The following RHBDL3 variants were observed in gnomAD, a reference collection of about 807,000 sequenced individuals.
RHBDL3 encodes the protein rhomboid-related protein 3.
RHBDL3 carries 28 observed loss-of-function variants against 48.2 expected under a neutral mutation model. That is an observed-to-expected ratio of 0.58 (90% CI 0.43 to 0.80). The LOEUF is 0.80. RHBDL3 is among the 30% of genes least tolerant of loss of function. The pLI is 0.00. For synonymous variants in RHBDL3, 208 were observed against 232.3 expected, an observed-to-expected ratio of 0.90 and a Z score of 0.95; for missense variants, 464 against 542.7, an observed-to-expected ratio of 0.85 and a Z score of 1.44.
chr17:32,316,417 T>C, intron 8 of RHBDL3, 125 bp downstream of exon 8: 1 of 671,374 alleles, frequency 1.5e-6, no homozygotes. Flanking sequence ...TGTCAATGGT[T>C]AGCAAAAAAG....
intron 3 of RHBDL3, among the ~76,000 whole-genome samples, chr17:32,285,247 C>T (rs918395841): frequency 1.3e-5 from 2 of 152,074 alleles, no homozygotes; most frequent in African/African-American, 4.8e-5. Context: ...GTATTTTCTC[C>T]CTCCCATTGG....
At position 32,283,602 on chromosome 17, in the gene RHBDL3, C is replaced by T. The variant is rs575586364; in HGVS notation, c.136-1057C>T. Among the ~76,000 whole-genome samples the T allele has an allele frequency of 6.6e-5, 10 of 152,270 alleles. 1 individual carries two copies. In the South Asian group the frequency reaches 1.9e-3, roughly 28 times the overall value. ...CCTCCCAAAGTGCTGGGATTACAGG[C>T]TTGAGCCACTGCGCCTGGCCCGATC... On this transcript the variant is annotated intron_variant, in intron 2 of 8. Coordinates refer to ENST00000269051, the MANE Select transcript of RHBDL3 (RefSeq NM_138328.3).
intron 6 of RHBDL3, among the ~76,000 whole-genome samples, chr17:32,304,199 C>A (rs1444741288): frequency 1.3e-5 from 2 of 152,200 alleles, no homozygotes; most frequent in African/African-American, 2.4e-5. Flanking sequence ...GGTATGACAT[C>A]ATCTCTCTCT....
At chr17:32,302,709 G>A (rs904111027) in intron 6 of RHBDL3, among the ~76,000 whole-genome samples, 8 of 152,074 alleles carry the variant, frequency 5.3e-5, no homozygotes, top group African/African-American at 1.7e-4. Flanking sequence ...CACCAATGTG[G>A]GGGCAGGTGG....
intron 2 of RHBDL3, among the ~76,000 whole-genome samples, chr17:32,275,248 G>A (rs546870112): frequency 1.3e-5 from 2 of 152,200 alleles, no homozygotes; most frequent in Non-Finnish European, 2.9e-5. Flanking sequence ...CAGTCCCCAG[G>A]CGGCGCGTCA....
chr17:32,311,495 G>A (rs1288538097), intron 7 of RHBDL3, among the ~76,000 whole-genome samples: 2 of 152,220 alleles, frequency 1.3e-5, no homozygotes, highest in African/African-American at 2.4e-5. Context: ...CCTCTGAAGT[G>A]TGGGTGGACA....
chr17:32,301,420 C>A (rs930717277), intron 6 of RHBDL3, among the ~76,000 whole-genome samples: 3 of 145,992 alleles, frequency 2.1e-5, no homozygotes, highest in African/African-American at 7.7e-5. Flanking sequence ...AAAAAAAAAT[C>A]AATATCACCA....
intron 2 of RHBDL3, among the ~76,000 whole-genome samples, chr17:32,272,258 G>C (rs1053427017): frequency 4.6e-5 from 7 of 152,250 alleles, no homozygotes; most frequent in Admixed American, 3.3e-4. Context: ...TCTGAGCCCA[G>C]AGGATTTTTT....
At chr17:32,282,015 C>T (rs112127537) in intron 2 of RHBDL3, among the ~76,000 whole-genome samples, 1,925 of 152,300 alleles carry the variant, frequency 0.013, 50 homozygotes, top group African/African-American at 0.043. Flanking sequence ...TCTATTTCCT[C>T]GTCTGTAATA....
At chr17:32,319,194 G>A (rs966631591) in intron 8 of RHBDL3, among the ~76,000 whole-genome samples, 21 of 151,858 alleles carry the variant, frequency 1.4e-4, no homozygotes, top group African/African-American at 4.3e-4. Context: ...AGGCCGAGGC[G>A]GACGGATCAC....
intron 5 of RHBDL3, among the ~76,000 whole-genome samples, chr17:32,296,428 T>C (rs4794914): frequency 0.19 from 25,918 of 138,346 alleles, 2,528 homozygotes; most frequent in East Asian, 0.42. Flanking sequence ...CACCACCTCC[T>C]GGGTTCAAGC....
intron 2 of RHBDL3, among the ~76,000 whole-genome samples, chr17:32,275,264 G>T (rs923318190): frequency 2.0e-5 from 3 of 152,216 alleles, no homozygotes; most frequent in African/African-American, 7.2e-5. Context: ...CGTCAGGCTG[G>T]GCCGGATGAG....
intron 6 of RHBDL3, among the ~76,000 whole-genome samples, chr17:32,300,677 A>T (rs937607132): frequency 1.3e-5 from 2 of 152,188 alleles, no homozygotes; most frequent in African/African-American, 4.8e-5. Flanking sequence ...GCTAACCTCT[A>T]TGGGGCATAT....
At position 32,323,848 on chromosome 17, in the gene RHBDL3, T is replaced by G. The variant is rs746292141; in HGVS notation, c.*2619T>G. On this transcript the variant is annotated 3_prime_UTR_variant, in exon 9 of 9. Transcript: ENST00000269051. ...GGGGCCACAGGGTGGGGTCATAGGG[T>G]CACTTCACCTGACCCAGGCCTCTCC... 6.6e-6 allele frequency: 1 copy of G among 152,324 alleles called. No homozygotes were observed. The highest frequency in any genetic ancestry group is 1.5e-5 in the Non-Finnish European group (1 of 68,136). 9.4% of individuals were successfully genotyped at this position (152,324 alleles called of 1,614,324 possible).
intron 4 of RHBDL3, among the ~76,000 whole-genome samples, chr17:32,291,452 C>T (rs1415453869): frequency 1.3e-5 from 2 of 151,586 alleles, no homozygotes; most frequent in African/African-American, 2.4e-5. Context: ...GAGGCCGAGG[C>T]GGGTGGGTCA....
At chr17:32,302,551 A>ATATT (rs1401451294) in intron 6 of RHBDL3, among the ~76,000 whole-genome samples, 162 of 41,544 alleles carry the variant, frequency 3.9e-3, no homozygotes, top group Middle Eastern at 0.011. Flanking sequence ...ATATATATAT[A>ATATT]TTTTTTTTTA....
chr17:32,273,431 C>A (rs2039822889), intron 2 of RHBDL3, among the ~76,000 whole-genome samples: 1 of 152,234 alleles, frequency 6.6e-6, no homozygotes, highest in South Asian at 2.1e-4. Flanking sequence ...TGCCACCAGG[C>A]CATTCACTTA....
intron 5 of RHBDL3, among the ~76,000 whole-genome samples, chr17:32,295,048 G>A (rs1259558115): frequency 6.6e-6 from 1 of 152,168 alleles, no homozygotes; most frequent in Non-Finnish European, 1.5e-5. Flanking sequence ...CTTTTATATG[G>A]TAGAAGCACT....
At chr17:32,294,218 C>T in intron 4 of RHBDL3, 76 bp from the exon 5 acceptor site, 4 of 1,247,434 alleles carry the variant, frequency 3.2e-6, no homozygotes, top group Non-Finnish European at 4.5e-6. Flanking sequence ...TGTAGGGACT[C>T]CCAGTGCTAG....
Sources: allele counts gnomAD v4.1 joint callset (sites outside exome capture counted in the v4.1 genomes callset), GRCh38; gene constraint gnomAD v4.1.1; transcripts MANE v1.5; gene names NCBI Gene and HGNC (gene_info 2026-07-23, HGNC 2026-07-21).